FBLIM1: variants seen among roughly 807,000 people sequenced by gnomAD.
FBLIM1 encodes the protein filamin-binding LIM protein 1.
In FBLIM1, 29 loss-of-function variants were observed where a neutral mutation model predicts 37.4. The observed-to-expected ratio is 0.77, with a 90% confidence interval of 0.58 to 1.06. FBLIM1 has a LOEUF of 1.06. FBLIM1 is among the 50% of genes least tolerant of loss of function. The pLI is 0.00. For synonymous variants in FBLIM1, 193 were observed against 199.0 expected (o/e 0.97, Z 0.25); for missense variants, 449 against 505.6 (o/e 0.89, Z 1.07).
intron 8 of FBLIM1, among the ~76,000 whole-genome samples, chr1:15,777,697 C>T (rs911322275): frequency 3.3e-5 from 5 of 151,716 alleles, no homozygotes; most frequent in African/African-American, 1.2e-4. Flanking sequence ...CTCAGCCTCC[C>T]GAGTAGCTGG....
intron 3 of FBLIM1, among the ~76,000 whole-genome samples, chr1:15,766,298 G>A (rs919724771): frequency 6.6e-6 from 1 of 151,918 alleles, no homozygotes; most frequent in African/African-American, 2.4e-5. Context: ...GTGTATGTGT[G>A]TGTGTGTGTA....
intron 1 of FBLIM1, among the ~76,000 whole-genome samples, chr1:15,762,394 CTGAGA>C (rs944842395): frequency 7.9e-5 from 12 of 151,770 alleles, no homozygotes; most frequent in East Asian, 1.9e-4. Context: ...TCCCGAGTAG[CTGAGA>C]TAACAGGCGT....
chr1:15,777,216 C>T lies in FBLIM1; in HGVS notation c.937C>T (p.Arg313Trp), dbSNP rs768379166. 63 of 1,612,894 alleles carry T rather than the reference C, an allele frequency of 3.9e-5. No individual in the cohort carries two copies. Among genetic ancestry groups the T allele is most frequent in the South Asian group, 8.8e-5 (8 of 90,982 alleles). The change falls in exon 8 of 9, where the codon CGG (arginine) becomes TGG (tryptophan). Residue 313 changes from arginine to tryptophan, a missense_variant. Arg to Trp is a moderately radical substitution (Grantham distance 101). Coordinates refer to ENST00000375766, the MANE Select transcript of FBLIM1 (RefSeq NM_017556.4). ...CATCTGTGAAAATCCCATCATCCCT[C>T]GGGATGGGAAAGATGCCTTCAAAAT... is the stretch of plus-strand genomic sequence containing the variant. ...CSICENPIIP[R>W]DGKDAFKIEC...
intron 3 of FBLIM1, among the ~76,000 whole-genome samples, chr1:15,766,442 G>A (rs567424267): frequency 1.2e-4 from 18 of 151,082 alleles, no homozygotes; most frequent in South Asian, 4.2e-4. Context: ...GATTACAGGC[G>A]CCCACCATCA....
chr1:15,768,494 C>T, intron 4 of FBLIM1, 34 bp from the exon 5 acceptor site: 1 of 1,417,506 alleles, frequency 7.1e-7, no homozygotes. Flanking sequence ...TGCATGGGGT[C>T]CCACTGGATG....
chr1:15,763,724 C>T (rs1018037885), intron 1 of FBLIM1, among the ~76,000 whole-genome samples: 1 of 152,058 alleles, frequency 6.6e-6, no homozygotes, highest in Non-Finnish European at 1.5e-5. Flanking sequence ...ACCACAACCT[C>T]GGCCTCCCAG....
rs999712012 is a variant in FBLIM1, at chr1:15,777,243, G to A, written c.964G>A (p.Glu322Lys). ...GGATGGGAAAGATGCCTTCAAAATC[G>A]AATGCATGGGAAGAAACTTCCATGA... ...PRDGKDAFKI[E>K]CMGRNFHENC... Residue 322 changes from glutamate (E) to lysine (K), a missense_variant, in exon 8 of 9, where the codon GAA (glutamate) becomes AAA (lysine). Coordinates refer to ENST00000375766, the MANE Select transcript of FBLIM1 (RefSeq NM_017556.4). The A allele has an allele frequency of 3.7e-6, 6 of 1,613,426 alleles. No homozygotes were observed. The highest frequency in any genetic ancestry group is 5.1e-6 in the Non-Finnish European group (6 of 1,179,490).
chr1:15,771,704 T>TC (rs2069222950), intron 6 of FBLIM1, among the ~76,000 whole-genome samples: 1 of 151,744 alleles, frequency 6.6e-6, no homozygotes, highest in African/African-American at 2.4e-5. Flanking sequence ...CAGGATAATC[T>TC]CCCCCATCTT....
In FBLIM1 at chr1:15,767,421, C is replaced by T; in HGVS notation, c.296C>T (p.Pro99Leu). The change falls in exon 4 of 9, where the codon CCT (proline) becomes CTT (leucine). Residue 99 changes from proline (P) to leucine (L), a missense_variant. Pro to Leu is a moderately conservative substitution (Grantham distance 98, BLOSUM62 -3). Coordinates refer to ENST00000375766, the MANE Select transcript of FBLIM1 (RefSeq NM_017556.4). The stretch of plus-strand genomic sequence containing the variant: ...GTCCTGGATGGTGAGGACGTGCTTC[C>T]TGACCTGGACCTCCTCCCACCCCCT... ...PPVLDGEDVL[P>L]DLDLLPPPPP... The T allele has an allele frequency of 1.3e-6, 2 of 1,586,762 alleles. No individual in the cohort carries two copies. The highest frequency in any genetic ancestry group is 1.7e-6 in the Non-Finnish European group (2 of 1,164,598).
intron 6 of FBLIM1, among the ~76,000 whole-genome samples, chr1:15,771,719 T>C (rs2069223952): frequency 6.6e-6 from 1 of 151,946 alleles, no homozygotes; most frequent in Admixed American, 6.6e-5. Context: ...CATCTTAAGA[T>C]CCTTAGCTCA....
At chr1:15,764,025 C>A (rs1009903698) in intron 1 of FBLIM1, among the ~76,000 whole-genome samples, 1 of 152,174 alleles carries the variant, frequency 6.6e-6, no homozygotes, top group South Asian at 2.1e-4. Flanking sequence ...CATGGAGCCT[C>A]CCCATCTCTC....
chr1:15,778,805 T>C (rs1377547383), intron 8 of FBLIM1, among the ~76,000 whole-genome samples: 10 of 151,966 alleles, frequency 6.6e-5, no homozygotes. Context: ...CACGCCCAGC[T>C]AATGTTTTGT....
intron 3 of FBLIM1, 128 bp from the exon 4 acceptor site, chr1:15,767,248 T>G: frequency 2.7e-6 from 2 of 747,704 alleles, no homozygotes; most frequent in Non-Finnish European, 4.2e-6. Flanking sequence ...GAGTTAGACA[T>G]GGAACCCAGG....
chr1:15,777,636 C>T (rs530719980), intron 8 of FBLIM1, among the ~76,000 whole-genome samples: 33 of 144,714 alleles, frequency 2.3e-4, no homozygotes, highest in Non-Finnish European at 4.3e-4. Context: ...CGAAGTGGTG[C>T]GATCTCAGCT....
At chr1:15,767,037 G>A (rs1569768749) in intron 3 of FBLIM1, among the ~76,000 whole-genome samples, 1 of 151,966 alleles carries the variant, frequency 6.6e-6, no homozygotes, top group Non-Finnish European at 1.5e-5. Flanking sequence ...CTACAGGCTT[G>A]TGCTGCCATG....
At position 15,774,794 on chromosome 1, in the gene FBLIM1, C is replaced by T; in HGVS notation, c.888C>T (p.Tyr296=). The change falls in exon 7 of 9, where the codon TAC becomes TAT. Residue 296 remains tyrosine, a splice_region_variant and synonymous_variant. Transcript: ENST00000375766. ...QNEVYCLDDF[Y]RKFAPVCSIC... is the part of the protein sequence containing the mutation. ...AGGTGTACTGCCTGGACGACTTCTA[C>T]AGGTACGAGAAGGGTTTGTGCACTG... is the stretch of plus-strand genomic sequence containing the variant. 6 of 1,614,108 alleles carry T rather than the reference C, an allele frequency of 3.7e-6. No homozygotes were observed. The highest frequency in any genetic ancestry group is 5.1e-6 in the Non-Finnish European group (6 of 1,179,994).
At chr1:15,762,059 A>G (rs1209479317) in intron 1 of FBLIM1, among the ~76,000 whole-genome samples, 1 of 151,198 alleles carries the variant, frequency 6.6e-6, no homozygotes, top group Non-Finnish European at 1.5e-5. Context: ...TCAGGGTATC[A>G]GGGTGCCACC....
intron 7 of FBLIM1, 85 bp from the exon 8 acceptor site, chr1:15,777,085 A>C (rs1569861040): frequency 9.1e-7 from 1 of 1,097,570 alleles, no homozygotes; most frequent in South Asian, 1.4e-5. Flanking sequence ...GGAGGTGAAC[A>C]CCAGCCAGCC....
At chr1:15,775,046 G>T in intron 7 of FBLIM1, 1 of 725,100 alleles carries the variant, frequency 1.4e-6, no homozygotes, top group Non-Finnish European at 2.2e-6. Context: ...GTGAAACCCC[G>T]TCTCTACTAA....
Sources: gnomAD v4.1 joint callset for allele counts (sites outside exome capture counted in the v4.1 genomes callset) on GRCh38, gnomAD v4.1.1 for gene constraint, MANE v1.5 for transcripts, NCBI Gene and HGNC (gene_info 2026-07-23, HGNC 2026-07-21) for gene names.